Variants in LRRTM4 observed in about 807,000 individuals in gnomAD.
LRRTM4 encodes the protein leucine-rich repeat transmembrane neuronal protein 4.
In LRRTM4, 25 loss-of-function variants were observed where a neutral mutation model predicts 47.6. The observed-to-expected ratio is 0.53, with a 90% confidence interval of 0.38 to 0.73. The LOEUF (loss-of-function observed/expected upper bound fraction) is 0.73, where lower values mean the gene tolerates loss of function less well. Among genes scored for constraint, LRRTM4 ranks in the 30% least tolerant of loss-of-function variants. The pLI is 0.00. For synonymous variants in LRRTM4, 311 were observed against 269.5 expected (o/e 1.15, Z -1.51); for missense variants, 638 against 713.4 (o/e 0.89, Z 1.20).
intron 3 of LRRTM4, among the ~76,000 whole-genome samples, chr2:77,312,214 G>A: frequency 6.6e-6 from 1 of 152,096 alleles, no homozygotes; most frequent in East Asian, 1.9e-4. Context: ...CTACAAAAGT[G>A]TGTAATTCCA....
chr2:77,349,669 A>G (rs1486418462), intron 3 of LRRTM4, among the ~76,000 whole-genome samples: 1 of 152,136 alleles, frequency 6.6e-6, no homozygotes, highest in Non-Finnish European at 1.5e-5. Flanking sequence ...TTTATCAGAC[A>G]TTAGAAAACA....
chr2:77,445,249 A>G (rs962694888), intron 3 of LRRTM4, among the ~76,000 whole-genome samples: 1 of 151,922 alleles, frequency 6.6e-6, no homozygotes, highest in African/African-American at 2.4e-5. Context: ...AAATGGGAGA[A>G]TAGTATACTT....
At chr2:76,921,063 C>T (rs1674418496) in intron 3 of LRRTM4, among the ~76,000 whole-genome samples, 1 of 152,024 alleles carries the variant, frequency 6.6e-6, no homozygotes, top group South Asian at 2.1e-4. Flanking sequence ...CTTAACTTTA[C>T]ACTTTATTCA....
In LRRTM4 at chr2:77,519,429, G is replaced by A. The variant is rs781578647; in HGVS notation, c.440C>T (p.Thr147Ile). ...NLDLSYNKLQ[T>I]LQSEQFKGLR... ...GCCTTTAAATTGTTCAGATTGCAATGTCTGAAGCTTATTGTAGGAGAGGTC... is the reference window on the plus strand; with the variant it reads ...GCCTTTAAATTGTTCAGATTGCAATATCTGAAGCTTATTGTAGGAGAGGTC... Residue 147 changes from threonine to isoleucine, a missense_variant, in exon 3 of 4, where the codon ACA (threonine) becomes ATA (isoleucine). Thr to Ile is a moderately conservative substitution (Grantham distance 89). Coordinates refer to ENST00000409884, the MANE Select transcript of LRRTM4 (RefSeq NM_001134745.3). The surrounding 1 kb of genome is among the most constrained non-coding windows in gnomAD (Gnocchi z 4.6). 8 of 1,613,476 alleles carry A rather than the reference G, an allele frequency of 5.0e-6. No individual in the cohort carries two copies. Among genetic ancestry groups the A allele is most frequent in the African/African-American group, 1.3e-5 (1 of 74,994 alleles).
chr2:76,765,965 A>C (rs1673438156), intron 3 of LRRTM4, among the ~76,000 whole-genome samples: 1 of 152,182 alleles, frequency 6.6e-6, no homozygotes. Context: ...GAGATGAGTG[A>C]AATTCTGCAA....
chr2:76,876,283 GATA>G (rs1672777412), intron 3 of LRRTM4, among the ~76,000 whole-genome samples: 1 of 151,860 alleles, frequency 6.6e-6, no homozygotes, highest in South Asian at 2.1e-4. Context: ...CTCATAATAG[GATA>G]ATAAAGTACC....
chr2:77,067,354 G>C (rs1470753461), intron 3 of LRRTM4, among the ~76,000 whole-genome samples: 1 of 152,042 alleles, frequency 6.6e-6, no homozygotes, highest in Non-Finnish European at 1.5e-5. Flanking sequence ...TTGCAAATTA[G>C]AGAAAAGTAC....
intron 3 of LRRTM4, among the ~76,000 whole-genome samples, chr2:76,910,961 T>C (rs1051151493): frequency 5.9e-5 from 9 of 152,216 alleles, no homozygotes; most frequent in African/African-American, 2.2e-4. Context: ...ATAAAATGTC[T>C]TTACTCAGAA....
At chr2:76,802,208 T>A (rs1675734100) in intron 3 of LRRTM4, among the ~76,000 whole-genome samples, 1 of 147,606 alleles carries the variant, frequency 6.8e-6, no homozygotes. Context: ...GACATGATCT[T>A]ATATACAAAA....
At chr2:77,022,567 A>G (rs922989162) in intron 3 of LRRTM4, among the ~76,000 whole-genome samples, 2 of 152,202 alleles carry the variant, frequency 1.3e-5, no homozygotes, top group African/African-American at 4.8e-5. Flanking sequence ...GGAGGTACAG[A>G]TATTAGGTAA....
chr2:77,376,608 G>T (rs537326964), intron 3 of LRRTM4, among the ~76,000 whole-genome samples: 13 of 151,702 alleles, frequency 8.6e-5, no homozygotes, highest in African/African-American at 2.4e-4. Flanking sequence ...ATCTTATGCC[G>T]ATTGATCTCT....
At chr2:76,855,776 G>A (rs1226498836) in intron 3 of LRRTM4, among the ~76,000 whole-genome samples, 1 of 152,080 alleles carries the variant, frequency 6.6e-6, no homozygotes, top group African/African-American at 2.4e-5. Flanking sequence ...GGGACTATGA[G>A]AGCTTAATAA....
At chr2:76,873,506 G>GTATATATATATATA (rs58469429) in intron 3 of LRRTM4, among the ~76,000 whole-genome samples, 26 of 112,302 alleles carry the variant, frequency 2.3e-4, no homozygotes, top group Admixed American at 9.6e-4. Context: ...ATATATGTGT[G>GTATATATATATATA]TATATATATA....
At chr2:77,090,497 G>A (rs192105842) in intron 3 of LRRTM4, among the ~76,000 whole-genome samples, 47 of 152,096 alleles carry the variant, frequency 3.1e-4, no homozygotes, top group African/African-American at 9.2e-4. Context: ...AATTAACCTC[G>A]CCTTCAAGGT....
chr2:77,484,526 C>A (rs1677839077), intron 3 of LRRTM4, among the ~76,000 whole-genome samples: 1 of 152,056 alleles, frequency 6.6e-6, no homozygotes, highest in South Asian at 2.1e-4. Context: ...TCTGTTTTTT[C>A]TTTTTCTAGT....
At chr2:77,408,371 G>T (rs1674292927) in intron 3 of LRRTM4, among the ~76,000 whole-genome samples, 3 of 152,052 alleles carry the variant, frequency 2.0e-5, no homozygotes, top group African/African-American at 7.2e-5. Flanking sequence ...TATTTATCTA[G>T]ACATAATTTT....
intron 3 of LRRTM4, among the ~76,000 whole-genome samples, chr2:77,009,975 TAAAA>T (rs60699157): frequency 6.9e-4 from 101 of 145,690 alleles, no homozygotes; most frequent in African/African-American, 2.5e-3. Context: ...ACCCTTTTTT[TAAAA>T]AAAAAAAAGT....
intron 3 of LRRTM4, among the ~76,000 whole-genome samples, chr2:77,314,496 G>T (rs374418196): frequency 6.6e-6 from 1 of 152,122 alleles, no homozygotes; most frequent in South Asian, 2.1e-4. Flanking sequence ...CATATTTACC[G>T]CTTTTCAATC....
chr2:77,134,478 T>A (rs947115277), intron 3 of LRRTM4, among the ~76,000 whole-genome samples: 2 of 152,202 alleles, frequency 1.3e-5, no homozygotes, highest in African/African-American at 2.4e-5. Context: ...ATAATTATTT[T>A]AAAAATATGT....
Sources: gnomAD v4.1 joint callset for allele counts (sites outside exome capture counted in the v4.1 genomes callset) on GRCh38, gnomAD v4.1.1 for gene constraint, Gnocchi (gnomAD v3.1) non-coding constraint, MANE v1.5 for transcripts, NCBI Gene and HGNC (gene_info 2026-07-23, HGNC 2026-07-21) for gene names.